Variants in SRL observed in about 807,000 individuals in gnomAD.
SRL encodes sarcalumenin.
SRL carries 23 observed loss-of-function variants against 39.5 expected under a neutral mutation model. That is an observed-to-expected ratio of 0.58 (90% confidence interval 0.42 to 0.82). SRL has a LOEUF of 0.82. SRL is among the 40% of genes least tolerant of loss of function. The probability of loss-of-function intolerance (pLI) is 0.00; values close to 1 mark genes in which losing one functional copy is unlikely to be tolerated. For missense variants in SRL, 592 were observed against 607.8 expected, an observed-to-expected ratio of 0.97 and a Z score of 0.27; for synonymous variants, 272 against 237.4, an observed-to-expected ratio of 1.15 and a Z score of -1.34.
At chr16:4,217,708 A>T (rs913148966) in intron 1 of SRL, among the ~76,000 whole-genome samples, 1 of 152,258 alleles carries the variant, frequency 6.6e-6, no homozygotes, top group Non-Finnish European at 1.5e-5. Flanking sequence ...CGTTTTAAAC[A>T]TCAGGTGGTG....
chr16:4,236,163 T>C (rs1224829352), intron 1 of SRL, among the ~76,000 whole-genome samples: 1 of 152,200 alleles, frequency 6.6e-6, no homozygotes, highest in African/African-American at 2.4e-5. Context: ...CTGGCCTTTA[T>C]TTATCCCAAA....
chr16:4,236,599 T>C (rs1013107265), intron 1 of SRL, among the ~76,000 whole-genome samples: 1 of 151,714 alleles, frequency 6.6e-6, no homozygotes, highest in African/African-American at 2.4e-5. Flanking sequence ...CCCTGCCACC[T>C]CCTTCCAGAT....
chr16:4,217,868 T>C (rs2052477413), intron 1 of SRL, among the ~76,000 whole-genome samples: 1 of 152,182 alleles, frequency 6.6e-6, no homozygotes, highest in Non-Finnish European at 1.5e-5. Context: ...ACGCTGTTCC[T>C]TTAGCCCTCC....
intron 1 of SRL, among the ~76,000 whole-genome samples, chr16:4,212,530 G>A (rs4074566): frequency 0.2 from 29,814 of 152,154 alleles, 3,206 homozygotes; most frequent in Admixed American, 0.25. Context: ...CAGGGAGGCC[G>A]CAGAGGACCC....
chr16:4,227,159 T>A (rs938763158), intron 1 of SRL, among the ~76,000 whole-genome samples: 1 of 148,114 alleles, frequency 6.8e-6, no homozygotes, highest in Non-Finnish European at 1.5e-5. Flanking sequence ...GGATGGTGGA[T>A]GAATGGAAGG....
In SRL at chr16:4,192,116, T is replaced by C; in HGVS notation, c.*37A>G. The C allele has an allele frequency of 6.6e-7, 1 of 1,522,382 alleles. No individual in the cohort carries two copies. The highest frequency in any genetic ancestry group is 1.3e-5 in the South Asian group (1 of 74,992). 94.3% of individuals were successfully genotyped at this position (1,522,382 alleles called of 1,614,324 possible). On this transcript the variant is annotated 3_prime_UTR_variant, in exon 6 of 6. Transcript: ENST00000399609. This position sits in a 1 kb window ranked among gnomAD's most constrained non-coding sequence, Gnocchi z 4.0. ...CCTCTCAGACAGTTAGGACACAAGC[T>C]GATTCACCAACAGGAACCCAAGGAC...
At chr16:4,238,241 C>T (rs2052733803) in intron 1 of SRL, among the ~76,000 whole-genome samples, 1 of 152,164 alleles carries the variant, frequency 6.6e-6, no homozygotes, top group Non-Finnish European at 1.5e-5. Flanking sequence ...CTCCATCCCA[C>T]AGCCATGGCC....
intron 1 of SRL, chr16:4,207,921 G>A (rs144095055): frequency 1.3e-4 from 60 of 456,784 alleles, no homozygotes; most frequent in African/African-American, 1.2e-3. Context: ...AGACGCGGGG[G>A]TCTTCTTGGG....
At chr16:4,208,140 G>C (rs1481720888) in intron 1 of SRL, 3 of 400,398 alleles carry the variant, frequency 7.5e-6, no homozygotes, top group Non-Finnish European at 1.5e-5. Context: ...AGTTTCACAG[G>C]GTTGGCACCG....
At chr16:4,219,006 C>T (rs1204142016) in intron 1 of SRL, among the ~76,000 whole-genome samples, 1 of 152,280 alleles carries the variant, frequency 6.6e-6, no homozygotes, top group African/African-American at 2.4e-5. Context: ...GGCCCCACCG[C>T]CAGGTCCTGG....
intron 3 of SRL, 70 bp from the exon 4 acceptor site, chr16:4,197,985 T>G (rs1173971450): frequency 1.0e-6 from 1 of 999,616 alleles, no homozygotes; most frequent in Non-Finnish European, 1.6e-6. Context: ...GGCACCGTAC[T>G]CCAAAGCATC....
intron 1 of SRL, 82 bp from the exon 2 acceptor site, chr16:4,204,716 T>TG: frequency 7.8e-7 from 1 of 1,278,688 alleles, no homozygotes; most frequent in Admixed American, 1.8e-5. Flanking sequence ...AGACGAGGGC[T>TG]GGGCCTCAAG....
intron 5 of SRL, among the ~76,000 whole-genome samples, chr16:4,193,870 AATTATTAAC>A (rs1266822094): frequency 1.3e-5 from 2 of 150,922 alleles, no homozygotes; most frequent in African/African-American, 4.9e-5. Context: ...TTACTATTAT[AATTATTAAC>A]ATTATTAACA....
intron 5 of SRL, among the ~76,000 whole-genome samples, chr16:4,194,892 TTTC>T (rs1389261727): frequency 6.6e-6 from 1 of 151,894 alleles, no homozygotes; most frequent in Non-Finnish European, 1.5e-5. Flanking sequence ...GTAGTTTTCT[TTTC>T]TTCCTTTTTT....
chr16:4,229,960 G>A (rs1192158545), intron 1 of SRL, among the ~76,000 whole-genome samples: 1 of 152,012 alleles, frequency 6.6e-6, no homozygotes, highest in Non-Finnish European at 1.5e-5. Flanking sequence ...AGCTGGTCCT[G>A]GGCTTCCAGC....
intron 3 of SRL, among the ~76,000 whole-genome samples, chr16:4,202,178 C>G (rs373511632): frequency 2.0e-5 from 3 of 152,314 alleles, no homozygotes; most frequent in South Asian, 2.1e-4. Context: ...ACACAGCTCA[C>G]CTAACAGGAT....
At chr16:4,225,503 G>T (rs763255201) in intron 1 of SRL, among the ~76,000 whole-genome samples, 1 of 152,172 alleles carries the variant, frequency 6.6e-6, no homozygotes, top group Non-Finnish European at 1.5e-5. Context: ...AGGATCGCCT[G>T]AGCCCGGGAG....
At chr16:4,227,266 AT>A (rs2052604202) in intron 1 of SRL, among the ~76,000 whole-genome samples, 1 of 150,860 alleles carries the variant, frequency 6.6e-6, no homozygotes, top group South Asian at 2.1e-4. Context: ...GGGTGGATGG[AT>A]GGATGGGTAG....
chr16:4,202,213 A>G (rs67153307), intron 3 of SRL, among the ~76,000 whole-genome samples: 34,852 of 152,170 alleles, frequency 0.23, 4,930 homozygotes, highest in African/African-American at 0.38. Flanking sequence ...AACAAAAAAC[A>G]ACATCCATCT....
Sources: gnomAD v4.1 joint callset for allele counts (sites outside exome capture counted in the v4.1 genomes callset) on GRCh38, gnomAD v4.1.1 for gene constraint, Gnocchi (gnomAD v3.1) non-coding constraint, MANE v1.5 for transcripts, NCBI Gene and HGNC (gene_info 2026-07-23, HGNC 2026-07-21) for gene names.